Variants in TMEM108 observed in about 807,000 individuals in gnomAD.
The protein encoded by TMEM108 is transmembrane protein 108.
Under a neutral mutation model 35.1 loss-of-function variants are expected in TMEM108, and 12 were observed. That is an observed-to-expected ratio of 0.34 (90% confidence interval 0.22 to 0.55). The LOEUF is 0.55. Ranked by LOEUF, TMEM108 falls within the 20% of genes least tolerant of loss-of-function variation. TMEM108 has a pLI of 0.89. For missense variants in TMEM108, 680 were observed against 753.3 expected, an observed-to-expected ratio of 0.90 and a Z score of 1.14; for synonymous variants, 287 against 308.6, an observed-to-expected ratio of 0.93 and a Z score of 0.73.
At chr3:133,207,811 T>C (rs1945780241) in intron 2 of TMEM108, among the ~76,000 whole-genome samples, 1 of 152,168 alleles carries the variant, frequency 6.6e-6, no homozygotes, top group African/African-American at 2.4e-5. Flanking sequence ...ATGTGTAGCA[T>C]GTTAAAATTA....
chr3:133,390,130 C>T (rs777511674), intron 4 of TMEM108, 50 bp from the exon 5 acceptor site: 1 of 1,608,282 alleles, frequency 6.2e-7, no homozygotes, highest in Non-Finnish European at 8.5e-7. Context: ...GCAACCCAGG[C>T]ACCATCCTTG....
At chr3:133,251,866 T>C (rs1196873361) in intron 3 of TMEM108, among the ~76,000 whole-genome samples, 1 of 152,192 alleles carries the variant, frequency 6.6e-6, no homozygotes. Flanking sequence ...TAAAAAACTC[T>C]AGGTGCAAAG....
At chr3:133,229,372 T>C (rs1368466217) in intron 3 of TMEM108, 21 bp downstream of exon 3, 6 of 1,611,164 alleles carry the variant, frequency 3.7e-6, no homozygotes, top group Non-Finnish European at 5.1e-6. Context: ...ACTGTATTTC[T>C]TCTTTCCTAA....
intron 2 of TMEM108, among the ~76,000 whole-genome samples, chr3:133,098,208 CA>C (rs1245710481): frequency 6.6e-6 from 1 of 152,212 alleles, no homozygotes; most frequent in Non-Finnish European, 1.5e-5. Flanking sequence ...GCACTTCTTA[CA>C]TGGCAGCGGC....
intron 3 of TMEM108, among the ~76,000 whole-genome samples, chr3:133,312,858 T>G (rs1427541066): frequency 2.0e-5 from 3 of 152,198 alleles, no homozygotes; most frequent in Non-Finnish European, 4.4e-5. Context: ...TGGGCCATCT[T>G]GGAACGGAAC....
chr3:133,186,218 G>T (rs1363496792), intron 2 of TMEM108, among the ~76,000 whole-genome samples: 1 of 152,128 alleles, frequency 6.6e-6, no homozygotes, highest in Non-Finnish European at 1.5e-5. Flanking sequence ...CACTTCATTA[G>T]GAACCGTTAA....
At chr3:133,046,440 T>A (rs1943341465) in intron 2 of TMEM108, among the ~76,000 whole-genome samples, 1 of 152,244 alleles carries the variant, frequency 6.6e-6, no homozygotes, top group South Asian at 2.1e-4. Flanking sequence ...TGCTTAACTT[T>A]TGCTTCATTA....
intron 2 of TMEM108, among the ~76,000 whole-genome samples, chr3:133,068,918 G>C (rs977619920): frequency 4.6e-5 from 7 of 152,162 alleles, no homozygotes; most frequent in Admixed American, 4.6e-4. Context: ...TGGGGCAGCT[G>C]TGAGGCTCAA....
chr3:133,065,549 C>T (rs374314048), intron 2 of TMEM108, among the ~76,000 whole-genome samples: 1 of 152,140 alleles, frequency 6.6e-6, no homozygotes, highest in Non-Finnish European at 1.5e-5. Context: ...AATGAAAGGA[C>T]CTTGACATAA....
At chr3:133,383,524 C>T (rs1233007650) in intron 4 of TMEM108, among the ~76,000 whole-genome samples, 1 of 152,204 alleles carries the variant, frequency 6.6e-6, no homozygotes. Flanking sequence ...ATAGCCTGCA[C>T]CCCACAGGCT....
chr3:133,059,961 A>G (rs1943517384), intron 2 of TMEM108, among the ~76,000 whole-genome samples: 1 of 152,252 alleles, frequency 6.6e-6, no homozygotes, highest in Admixed American at 6.5e-5. Context: ...AAGCATTTTT[A>G]GAATTCAAGA....
intron 2 of TMEM108, chr3:133,119,534 A>G (rs1401788654): frequency 1.3e-5 from 2 of 152,208 alleles, no homozygotes; most frequent in Non-Finnish European, 2.9e-5. Flanking sequence ...ACTTTGTTTT[A>G]TCTATGAAGA....
At chr3:133,254,089 G>C (rs1428862462) in intron 3 of TMEM108, among the ~76,000 whole-genome samples, 1 of 152,168 alleles carries the variant, frequency 6.6e-6, no homozygotes, top group African/African-American at 2.4e-5. Flanking sequence ...TGCAATCCCT[G>C]TGCTTTGGGA....
chr3:133,129,411 G>A (rs1944460930), intron 2 of TMEM108, among the ~76,000 whole-genome samples: 1 of 150,610 alleles, frequency 6.6e-6, no homozygotes, highest in South Asian at 2.1e-4. Context: ...GAAAATGCAT[G>A]GTAACAAAAG....
chr3:133,313,719 C>T (rs969032892), intron 3 of TMEM108, among the ~76,000 whole-genome samples: 1 of 152,062 alleles, frequency 6.6e-6, no homozygotes, highest in Non-Finnish European at 1.5e-5. Context: ...TTCAGTTTCC[C>T]CACTGTGTAA....
At chr3:133,054,041 T>C (rs1943436254) in intron 2 of TMEM108, among the ~76,000 whole-genome samples, 1 of 152,218 alleles carries the variant, frequency 6.6e-6, no homozygotes, top group Non-Finnish European at 1.5e-5. Flanking sequence ...GCTATGGGCC[T>C]GGCAATTTCT....
At chr3:133,161,735 T>A (rs769156396) in intron 2 of TMEM108, among the ~76,000 whole-genome samples, 15 of 151,736 alleles carry the variant, frequency 9.9e-5, no homozygotes, top group Non-Finnish European at 2.1e-4. Flanking sequence ...GAGGGTGTAT[T>A]TTTCACCTAT....
intron 2 of TMEM108, among the ~76,000 whole-genome samples, chr3:133,087,894 C>T (rs1209061066): frequency 2.6e-5 from 4 of 152,120 alleles, no homozygotes; most frequent in South Asian, 2.1e-4. Flanking sequence ...TCATTAGAGT[C>T]GAGGCCCAAC....
intron 2 of TMEM108, among the ~76,000 whole-genome samples, chr3:133,193,242 G>A (rs9289441): frequency 0.4 from 60,270 of 151,698 alleles, 12,366 homozygotes; most frequent in Middle Eastern, 0.51. Context: ...TTTCCCCTCA[G>A]TTAAAAAAAA....
Sources: gnomAD v4.1 joint callset for allele counts (sites outside exome capture counted in the v4.1 genomes callset) on GRCh38, gnomAD v4.1.1 for gene constraint, MANE v1.5 for transcripts, NCBI Gene and HGNC (gene_info 2026-07-23, HGNC 2026-07-21) for gene names.